Variants in FAM167A observed in about 807,000 individuals in gnomAD.
The protein encoded by FAM167A is protein FAM167A.
FAM167A carries 23 observed loss-of-function variants against 14.9 expected under a neutral mutation model. The ratio of observed to expected loss-of-function variants is 1.55; its 90% CI spans 1.11 to 2.19. FAM167A has a LOEUF of 2.19. Among genes scored for constraint, FAM167A ranks in the 30% most tolerant of loss-of-function variants. The pLI is 0.00. For missense variants in FAM167A, 401 were observed against 281.5 expected (o/e 1.42, Z -3.04); for synonymous variants, 174 against 117.7 (o/e 1.48, Z -3.10).
intron 2 of FAM167A, among the ~76,000 whole-genome samples, chr8:11,428,020 G>A (rs1459619691): frequency 1.6e-4 from 24 of 152,194 alleles, no homozygotes; most frequent in Admixed American, 1.6e-3. Flanking sequence ...GATATTGTCT[G>A]CGAACACCCA....
intron 2 of FAM167A, among the ~76,000 whole-genome samples, chr8:11,435,744 T>C (rs1805960598): frequency 6.6e-6 from 1 of 152,212 alleles, no homozygotes; most frequent in South Asian, 2.1e-4. Context: ...ACACCTAAGC[T>C]TCAATTTCCT....
intron 1 of FAM167A, 87 bp from the exon 2 acceptor site, chr8:11,444,895 G>T: frequency 1.0e-6 from 1 of 954,944 alleles, no homozygotes. Flanking sequence ...AGGGGAAACT[G>T]AGGCTCAGAG....
chr8:11,439,567 CTT>C (rs1491043795), intron 2 of FAM167A, among the ~76,000 whole-genome samples: 1 of 76,414 alleles, frequency 1.3e-5, no homozygotes, highest in African/African-American at 3.1e-5. Flanking sequence ...TCAAGGTTCT[CTT>C]CTCTCTCTCT....
At chr8:11,426,876 G>A (rs982390652) in intron 2 of FAM167A, among the ~76,000 whole-genome samples, 4 of 152,154 alleles carry the variant, frequency 2.6e-5, no homozygotes, top group Non-Finnish European at 5.9e-5. Flanking sequence ...CACAAGGCAC[G>A]TGAAGCAATC....
chr8:11,445,639 C>A, intron 1 of FAM167A: 2 of 982,664 alleles, frequency 2.0e-6, no homozygotes, highest in African/African-American at 3.5e-5. Context: ...AGGCATAAGC[C>A]CCAGCTCCTA....
chr8:11,469,368 T>A (rs1373324459), upstream of FAM167A, among the ~76,000 whole-genome samples: 1 of 152,230 alleles, frequency 6.6e-6, no homozygotes, highest in Non-Finnish European at 1.5e-5. Flanking sequence ...ACTGTGTTGG[T>A]GTTTCTGATG....
rs1806925963 is a variant in FAM167A at position 11,449,320 on chromosome 8, G to C, written c.-397-4512C>G. Among the ~76,000 whole-genome samples, 4 of 152,228 alleles carry C rather than the reference G, an allele frequency of 2.6e-5. No individual in the cohort carries two copies. In the South Asian group the frequency reaches 8.3e-4, roughly 31 times the overall value. The stretch of plus-strand genomic sequence containing the variant: ...CAGAAAAGCTTGTCACTGCTCACTG[G>C]GCACTGAGCTGGACCCGGCCTGAGC... On this transcript the variant is annotated intron_variant, in intron 1 of 2. Transcript: ENST00000284486.
chr8:11,428,713 G>T (rs565530111), intron 2 of FAM167A, among the ~76,000 whole-genome samples: 71 of 152,360 alleles, frequency 4.7e-4, no homozygotes, highest in African/African-American at 1.6e-3. Flanking sequence ...CTGCCCCAAA[G>T]AACAGGGTTT....
chr8:11,436,722 G>C (rs1333545409), intron 2 of FAM167A, among the ~76,000 whole-genome samples: 2 of 152,220 alleles, frequency 1.3e-5, no homozygotes, highest in African/African-American at 4.8e-5. Flanking sequence ...GGTCACCTGA[G>C]AGCCCTCAGA....
intron 2 of FAM167A, among the ~76,000 whole-genome samples, chr8:11,432,995 A>G (rs1004295207): frequency 6.6e-6 from 1 of 152,170 alleles, no homozygotes; most frequent in African/African-American, 2.4e-5. Context: ...GTTCTTACTC[A>G]TAAGTAGGAG....
intron 1 of FAM167A, among the ~76,000 whole-genome samples, chr8:11,466,403 C>T (rs993559468): frequency 2.7e-5 from 4 of 149,456 alleles, no homozygotes; most frequent in African/African-American, 5.1e-5. Flanking sequence ...CCTGGCTGCC[C>T]GGCTCCTCTG....
chr8:11,456,813 G>T (rs1454519555), intron 1 of FAM167A, among the ~76,000 whole-genome samples: 1 of 146,922 alleles, frequency 6.8e-6, no homozygotes, highest in Admixed American at 6.8e-5. Flanking sequence ...GTGGGGCTGG[G>T]TTAGGGACGT....
At chr8:11,470,292 G>T (rs1372992217), upstream of FAM167A, among the ~76,000 whole-genome samples, 2 of 152,196 alleles carry the variant, frequency 1.3e-5, no homozygotes, top group African/African-American at 2.4e-5. Flanking sequence ...GGAGACGATG[G>T]AGGGGGTCTT....
rs1019009265 is a variant in FAM167A, at chr8:11,423,172, A to T, written c.*1201T>A. The T allele has an allele frequency of 1.1e-4, 16 of 152,238 alleles. No individual in the cohort carries two copies. Among genetic ancestry groups the T allele is most frequent in the African/African-American group, 3.6e-4 (15 of 41,424 alleles). The allele number at this position is 152,238 out of a possible 1,614,324, so 9.4% of individuals were successfully genotyped here. A position where few individuals can be genotyped will look rare whatever the true frequency, so the allele number is the denominator to read the frequency against. On this transcript the variant is annotated 3_prime_UTR_variant, in exon 3 of 3. Coordinates refer to ENST00000284486, the MANE Select transcript of FAM167A (RefSeq NM_053279.3). The stretch of plus-strand genomic sequence containing the variant: ...ACACCAAAGGTCAGAAACACTCCTT[A>T]TCTCAGGATTCTACGGGTCTGGCCG...
chr8:11,429,168 T>G (rs1805395286), intron 2 of FAM167A, among the ~76,000 whole-genome samples: 1 of 152,202 alleles, frequency 6.6e-6, no homozygotes, highest in African/African-American at 2.4e-5. Context: ...ACTTTCTGTC[T>G]GTATGACTAC....
chr8:11,471,914 A>AG (rs1807973340), upstream of FAM167A, among the ~76,000 whole-genome samples: 1 of 152,216 alleles, frequency 6.6e-6, no homozygotes, highest in Middle Eastern at 3.4e-3. Context: ...GAAAAGTAAG[A>AG]GGGGGGCCAC....
intron 1 of FAM167A, among the ~76,000 whole-genome samples, chr8:11,457,425 C>T (rs545938776): frequency 6.6e-6 from 1 of 152,090 alleles, no homozygotes; most frequent in Admixed American, 6.5e-5. Flanking sequence ...CTCATCTCCA[C>T]GCAAACCCCA....
intron 2 of FAM167A, among the ~76,000 whole-genome samples, chr8:11,430,972 A>C (rs28478078): frequency 0.025 from 3,839 of 152,328 alleles, 63 homozygotes; most frequent in Middle Eastern, 0.085. Flanking sequence ...ATAAAACAAA[A>C]GCCTTAAGAA....
chr8:11,452,360 C>G (rs951345401), intron 1 of FAM167A, among the ~76,000 whole-genome samples: 1 of 152,184 alleles, frequency 6.6e-6, no homozygotes, highest in African/African-American at 2.4e-5. Context: ...TGAGACCAGC[C>G]CAGCTGGGCT....
Sources: allele counts gnomAD v4.1 joint callset (sites outside exome capture counted in the v4.1 genomes callset), GRCh38; gene constraint gnomAD v4.1.1; transcripts MANE v1.5; gene names NCBI Gene and HGNC (gene_info 2026-07-23, HGNC 2026-07-21).